The following AXDND1 variants were observed in gnomAD, a reference collection of about 807,000 sequenced individuals.
AXDND1 encodes the protein axonemal dynein light chain domain containing 1.
A neutral mutation model predicts 137.5 loss-of-function variants in AXDND1; 110 were observed. That is an observed-to-expected ratio of 0.80 (90% CI 0.69 to 0.94). AXDND1 has a LOEUF of 0.94. Ranked by LOEUF, AXDND1 falls within the 40% of genes least tolerant of loss-of-function variation. AXDND1 has a pLI of 0.00. For missense variants in AXDND1, 1,191 were observed against 1,169.8 expected (o/e 1.02, Z -0.26); for synonymous variants, 414 against 399.7 (o/e 1.04, Z -0.43).
At chr1:179,461,533 G>A (rs1245883723) in intron 16 of AXDND1, among the ~76,000 whole-genome samples, 1 of 152,098 alleles carries the variant, frequency 6.6e-6, no homozygotes, top group Non-Finnish European at 1.5e-5. Flanking sequence ...TGGCAATGTG[G>A]GCTATTTTTT....
At chr1:179,408,829 C>T (rs1363390379) in intron 11 of AXDND1, among the ~76,000 whole-genome samples, 1 of 152,122 alleles carries the variant, frequency 6.6e-6, no homozygotes, top group Non-Finnish European at 1.5e-5. Flanking sequence ...CAGGTACACA[C>T]TAGAGTGCCT....
intron 25 of AXDND1, among the ~76,000 whole-genome samples, chr1:179,548,233 T>C (rs773933043): frequency 1.3e-5 from 2 of 152,160 alleles, no homozygotes; most frequent in Non-Finnish European, 2.9e-5. Context: ...GCTACTGAAG[T>C]AAAACCAGAA....
At chr1:179,468,807 T>C in intron 17 of AXDND1, 166 bp downstream of exon 17, 1 of 495,242 alleles carries the variant, frequency 2.0e-6, no homozygotes, top group Non-Finnish European at 3.3e-6. Context: ...TTTCATCACC[T>C]CAAAAAGAAG....
At chr1:179,474,753 G>A (rs757666274) in intron 17 of AXDND1, among the ~76,000 whole-genome samples, 3 of 152,218 alleles carry the variant, frequency 2.0e-5, no homozygotes, top group Non-Finnish European at 4.4e-5. Context: ...GTTTTCTGGG[G>A]AGGAAATAAA....
Position 179,525,370 on chromosome 1 carries a change from G to C in AXDND1, c.2533G>C (p.Glu845Gln), listed in dbSNP as rs574429925. 1 of 1,611,944 alleles carries C rather than the reference G, an allele frequency of 6.2e-7. No homozygotes were observed. Among genetic ancestry groups the C allele is most frequent in the Non-Finnish European group, 8.5e-7 (1 of 1,178,744 alleles). Residue 845 changes from glutamate (E) to glutamine (Q), a missense_variant, in exon 22 of 26, where the codon GAG becomes CAG. Physicochemically the swap from Glu to Gln is conservative, Grantham distance 29 (BLOSUM62 2). Coordinates refer to ENST00000367618, the MANE Select transcript of AXDND1 (RefSeq NM_144696.6). ...AGAATTCATTGAGCCTGAAATAGACGAGTCTTTTAAAGAAGATGAAGAAGA... is the reference window on the plus strand; with the variant it reads ...AGAATTCATTGAGCCTGAAATAGACCAGTCTTTTAAAGAAGATGAAGAAGA... ...VKEFIEPEID[E>Q]SFKEDEEESK...
At position 179,445,216 on chromosome 1, in the gene AXDND1, C is replaced by G. The variant is rs1434068969; in HGVS notation, c.1798+12C>G. ...AAATGGGGACAATGGTAAGAAAATA[C>G]TCATAATAATTAGATTTCTTGGTAT... On this transcript the variant is annotated intron_variant, in intron 16 of 25. Transcript: ENST00000367618. 7.0e-7 allele frequency: 1 copy of G among 1,430,842 alleles called. No individual in the cohort carries two copies. Among genetic ancestry groups the G allele is most frequent in the Non-Finnish European group, 9.5e-7 (1 of 1,050,734 alleles). 88.6% of individuals were successfully genotyped at this position (1,430,842 alleles called of 1,614,324 possible).
intron 25 of AXDND1, among the ~76,000 whole-genome samples, chr1:179,547,511 G>T (rs7541899): frequency 0.25 from 38,125 of 152,086 alleles, 5,390 homozygotes; most frequent in East Asian, 0.42. Context: ...TTCCAGAAGT[G>T]CCCTAAGCAG....
At chr1:179,380,694 T>A (rs1648118661) in intron 6 of AXDND1, among the ~76,000 whole-genome samples, 1 of 152,224 alleles carries the variant, frequency 6.6e-6, no homozygotes, top group Non-Finnish European at 1.5e-5. Flanking sequence ...CTTTCCAATA[T>A]GTATGTTATA....
chr1:179,534,029 A>C, intron 24 of AXDND1, 152 bp downstream of exon 24: 1 of 617,338 alleles, frequency 1.6e-6, no homozygotes. Context: ...TGCTAGAGGC[A>C]GTAAACTACA....
chr1:179,413,685 A>G (rs1004560235), intron 12 of AXDND1, among the ~76,000 whole-genome samples: 2 of 152,206 alleles, frequency 1.3e-5, no homozygotes, highest in Non-Finnish European at 2.9e-5. Flanking sequence ...TGCTATTGTA[A>G]ATAGTGCTGG....
rs1320560418 is a variant in AXDND1 at position 179,488,014 on chromosome 1, A to AAAG, written c.2092-3523_2092-3522insAGA. Among the ~76,000 whole-genome samples the AAAG allele has an allele frequency of 4.2e-3, 541 of 130,228 alleles. 61 individuals carry two copies. The highest frequency in any genetic ancestry group is 0.012 in the African/African-American group (411 of 33,086). 85.4% of individuals were successfully genotyped at this position (130,228 alleles called of 152,430 possible). A position where few individuals can be genotyped will look rare whatever the true frequency, so the allele number is the denominator to read the frequency against. On this transcript the variant is annotated intron_variant, in intron 18 of 25. Coordinates refer to ENST00000367618, the MANE Select transcript of AXDND1 (RefSeq NM_144696.6). ...ATGTCTCAAAAAAAAAAAAAAAAAA[A>AAAG]AGAGAAATTTCAATTCCGTCAATCA... is the stretch of plus-strand genomic sequence containing the variant.
chr1:179,379,263 T>C, intron 5 of AXDND1, 134 bp from the exon 6 acceptor site: 2 of 882,402 alleles, frequency 2.3e-6, no homozygotes, highest in African/African-American at 1.7e-5. Context: ...ATTGCTAATA[T>C]TGTTATTTCT....
intron 13 of AXDND1, 108 bp downstream of exon 13, chr1:179,429,727 T>G: frequency 3.5e-6 from 2 of 564,938 alleles, no homozygotes; most frequent in Non-Finnish European, 5.8e-6. Context: ...TATCATTTTA[T>G]ATTAGTGCTT....
chr1:179,368,706 T>C, intron 2 of AXDND1, 94 bp from the exon 3 acceptor site: 1 of 994,406 alleles, frequency 1.0e-6, no homozygotes, highest in South Asian at 1.8e-5. Context: ...TTCTCTCTGT[T>C]AGAAACAGAT....
intron 20 of AXDND1, among the ~76,000 whole-genome samples, chr1:179,498,667 G>T (rs1435729868): frequency 6.6e-6 from 1 of 152,064 alleles, no homozygotes; most frequent in Non-Finnish European, 1.5e-5. Flanking sequence ...GAAGATATTT[G>T]CAAACTATGT....
intron 25 of AXDND1, chr1:179,551,075 A>G: frequency 1.3e-6 from 2 of 1,501,156 alleles, no homozygotes; most frequent in East Asian, 2.3e-5. Flanking sequence ...CCATATGGCA[A>G]CCAAAGGAAG....
At chr1:179,378,890 T>G in intron 5 of AXDND1, 133 bp downstream of exon 5, 1 of 680,904 alleles carries the variant, frequency 1.5e-6, no homozygotes. Context: ...CTCACCAATC[T>G]TCATAGCATT....
intron 16 of AXDND1, chr1:179,457,351 A>G (rs1661563748): frequency 1.9e-6 from 1 of 525,068 alleles, no homozygotes; most frequent in African/African-American, 1.9e-5. Context: ...GGGAGAAGAG[A>G]GACTTTAATG....
rs1054787678 is a variant in AXDND1 at position 179,469,150 on chromosome 1, G to A, written c.1997+509G>A. On this transcript the variant is annotated intron_variant, in intron 17 of 25. Transcript: ENST00000367618. ...TCACCATGTTGGCTAGGCTGGTCTC[G>A]AACTCCTGACCTCAGGTGATACGCC... Among the ~76,000 whole-genome samples, 11 of 151,884 alleles carry A rather than the reference G, an allele frequency of 7.2e-5. 1 individual carries two copies. The South Asian group carries it at 8.3e-4, about 11-fold the overall frequency.
Sources: allele counts gnomAD v4.1 joint callset (sites outside exome capture counted in the v4.1 genomes callset), GRCh38; gene constraint gnomAD v4.1.1; transcripts MANE v1.5; gene names NCBI Gene and HGNC (gene_info 2026-07-23, HGNC 2026-07-21).